The following TM9SF2 variants were observed in gnomAD, a reference collection of about 807,000 sequenced individuals.
TM9SF2 encodes the protein transmembrane 9 superfamily member 2.
In TM9SF2, 13 loss-of-function variants were observed where a neutral mutation model predicts 84.9. The observed-to-expected ratio is 0.15, with a 90% CI of 0.10 to 0.24. TM9SF2 has a LOEUF of 0.24. TM9SF2 is among the 10% of genes least tolerant of loss of function. TM9SF2 has a pLI of 1.00. For synonymous variants in TM9SF2, 273 were observed against 285.8 expected (o/e 0.96, Z 0.45); for missense variants, 562 against 818.5 (o/e 0.69, Z 3.82).
At chr13:99,514,199 A>G (rs1370341716) in intron 1 of TM9SF2, 1 of 152,214 alleles carries the variant, frequency 6.6e-6, no homozygotes, top group African/African-American at 2.4e-5. Context: ...AAAATTTAGC[A>G]TAGCCTAAGT....
chr13:99,551,752 T>C (rs2046306284), intron 12 of TM9SF2, among the ~76,000 whole-genome samples: 1 of 152,114 alleles, frequency 6.6e-6, no homozygotes, highest in South Asian at 2.1e-4. Flanking sequence ...AATATGTAAA[T>C]AACTCACATA....
rs776380241 is a variant in TM9SF2 at position 99,539,523 on chromosome 13, T to C, written c.794T>C (p.Ile265Thr). 3.1e-6 allele frequency: 5 copies of C among 1,613,572 alleles called. No individual in the cohort carries two copies. In the East Asian group the frequency reaches 8.9e-5, roughly 29 times the overall value. Residue 265 changes from isoleucine to threonine, a missense_variant, in exon 7 of 17, where the codon ATA (isoleucine) becomes ACA (threonine). Ile to Thr is a moderately conservative substitution (Grantham distance 89). Around this residue, in one of 4 missense-constraint regions of TM9SF2, gnomAD observed 219 missense variants for 338.1 expected, o/e 0.65. Coordinates refer to ENST00000376387, the MANE Select transcript of TM9SF2 (RefSeq NM_004800.3). ...MDISNKASGE[I>T]KIAYTYSVSF... ...ATAAGTAACAAGGCTTCTGGGGAGA[T>C]AAAAATTGCCTATACTTACTCTGTT...
At chr13:99,531,774 A>G (rs537517055) in intron 4 of TM9SF2, among the ~76,000 whole-genome samples, 1 of 152,144 alleles carries the variant, frequency 6.6e-6, no homozygotes, top group South Asian at 2.1e-4. Flanking sequence ...CATTTCTTTC[A>G]TTTCTGGTAA....
chr13:99,521,129 A>G (rs2046158330), intron 3 of TM9SF2, among the ~76,000 whole-genome samples: 1 of 152,230 alleles, frequency 6.6e-6, no homozygotes, highest in South Asian at 2.1e-4. Flanking sequence ...GTAGTTTATT[A>G]TAATAATGTA....
intron 4 of TM9SF2, among the ~76,000 whole-genome samples, chr13:99,533,810 G>A (rs2046221527): frequency 6.6e-6 from 1 of 151,968 alleles, no homozygotes; most frequent in Admixed American, 6.6e-5. Flanking sequence ...AGCTGGGACT[G>A]CAGGTGCCCG....
At chr13:99,551,934 T>G (rs1462101397) in intron 12 of TM9SF2, among the ~76,000 whole-genome samples, 3 of 152,202 alleles carry the variant, frequency 2.0e-5, no homozygotes, top group Non-Finnish European at 4.4e-5. Flanking sequence ...AATGAAAACA[T>G]GTAAGGAACT....
At chr13:99,549,243 T>C in intron 12 of TM9SF2, 21 bp downstream of exon 12, 1 of 1,605,016 alleles carries the variant, frequency 6.2e-7, no homozygotes, top group Non-Finnish European at 8.5e-7. Context: ...TTTTCAAGAA[T>C]TACTTTCTTA....
intron 4 of TM9SF2, among the ~76,000 whole-genome samples, chr13:99,535,773 T>C (rs929955702): frequency 6.6e-6 from 1 of 152,210 alleles, no homozygotes; most frequent in African/African-American, 2.4e-5. Flanking sequence ...TGCTATATTT[T>C]GAGTAGTTTT....
intron 1 of TM9SF2, among the ~76,000 whole-genome samples, chr13:99,503,174 TTAG>T (rs2046074053): frequency 6.6e-6 from 1 of 152,228 alleles, no homozygotes; most frequent in Non-Finnish European, 1.5e-5. Context: ...ATTAAATATT[TTAG>T]TAACCAACCT....
chr13:99,529,416 A>G, intron 3 of TM9SF2, 51 bp from the exon 4 acceptor site: 1 of 1,457,172 alleles, frequency 6.9e-7, no homozygotes. Flanking sequence ...TATTGGTATG[A>G]AAAACCTGGA....
At chr13:99,520,219 C>A in intron 3 of TM9SF2, 90 bp downstream of exon 3, 1 of 1,086,386 alleles carries the variant, frequency 9.2e-7, no homozygotes. Flanking sequence ...GCTATCATTG[C>A]TAAGGAGGAG....
At chr13:99,547,275 T>C (rs1350286117) in intron 11 of TM9SF2, among the ~76,000 whole-genome samples, 171 bp downstream of exon 11, 1 of 152,212 alleles carries the variant, frequency 6.6e-6, no homozygotes, top group Non-Finnish European at 1.5e-5. Flanking sequence ...TGAGTTACTA[T>C]CCCAAAATTT....
At chr13:99,540,186 GTTCCAACTCTAT>G (rs934621529) in intron 7 of TM9SF2, among the ~76,000 whole-genome samples, 25 of 152,194 alleles carry the variant, frequency 1.6e-4, no homozygotes, top group African/African-American at 6.0e-4. Context: ...CTTAGGCAGT[GTTCCAACTCTAT>G]TTTTTAAAAC....
At chr13:99,560,931 C>T (rs981633326) in intron 16 of TM9SF2, among the ~76,000 whole-genome samples, 4 of 152,124 alleles carry the variant, frequency 2.6e-5, no homozygotes, top group African/African-American at 9.7e-5. Context: ...GATCTGCCCG[C>T]CTTGGCCTCC....
In TM9SF2 at chr13:99,547,098, T is replaced by C; in HGVS notation, c.1264T>C (p.Tyr422His). The C allele has an allele frequency of 6.2e-7, 1 of 1,614,130 alleles. No homozygotes were observed. The highest frequency in any genetic ancestry group is 8.5e-7 in the Non-Finnish European group (1 of 1,179,992). The change falls in exon 11 of 17, where the codon TAT becomes CAT. Residue 422 changes from tyrosine (Y) to histidine (H), a missense_variant. By Grantham distance (83) the Tyr-to-His change is moderately conservative (BLOSUM62 2). Coordinates refer to ENST00000376387, the MANE Select transcript of TM9SF2 (RefSeq NM_004800.3). ...TPAGYVAARF[Y>H]KSFGGEKWKT... ...TGCAGGCTATGTTGCTGCCAGATTCTATAAGTGTAAGTCAAAGCCACTGTG... is the reference window on the plus strand; with the variant it reads ...TGCAGGCTATGTTGCTGCCAGATTCCATAAGTGTAAGTCAAAGCCACTGTG...
chr13:99,531,112 C>T (rs147133194), intron 4 of TM9SF2, among the ~76,000 whole-genome samples: 2 of 152,246 alleles, frequency 1.3e-5, no homozygotes, highest in South Asian at 2.1e-4. Context: ...CCGCCCCTCT[C>T]AGCCTCCCAA....
chr13:99,517,526 C>A, intron 1 of TM9SF2, 88 bp from the exon 2 acceptor site: 1 of 771,256 alleles, frequency 1.3e-6, no homozygotes, highest in South Asian at 2.1e-5. Context: ...ACATTTCAGA[C>A]ATGTCAAATT....
chr13:99,529,306 T>A (rs896104706), intron 3 of TM9SF2, among the ~76,000 whole-genome samples, 161 bp from the exon 4 acceptor site: 5 of 152,234 alleles, frequency 3.3e-5, no homozygotes, highest in African/African-American at 1.2e-4. Flanking sequence ...GATTAAAATT[T>A]AAATCTGATT....
chr13:99,511,204 T>TA (rs1237741579), intron 1 of TM9SF2, among the ~76,000 whole-genome samples: 4 of 152,156 alleles, frequency 2.6e-5, no homozygotes, highest in Non-Finnish European at 4.4e-5. Flanking sequence ...GTTGAAAGAG[T>TA]AGTGTAATGA....
Sources: gnomAD v4.1 joint callset for allele counts (sites outside exome capture counted in the v4.1 genomes callset) on GRCh38, gnomAD v4.1.1 for gene constraint, gnomAD v4.1.1 regional missense constraint, MANE v1.5 for transcripts, NCBI Gene and HGNC (gene_info 2026-07-23, HGNC 2026-07-21) for gene names.